The following HIVEP1 variants were observed in gnomAD, a reference collection of about 807,000 sequenced individuals.
HIVEP1 encodes the protein HIVEP zinc finger 1.
Under a neutral mutation model 180.0 loss-of-function variants are expected in HIVEP1, and 36 were observed. That is an observed-to-expected ratio of 0.20 (90% CI 0.15 to 0.26). HIVEP1 has a LOEUF of 0.26. Ranked by LOEUF, HIVEP1 falls within the 10% of genes least tolerant of loss-of-function variation. HIVEP1 has a pLI of 1.00. For synonymous variants in HIVEP1, 1,239 were observed against 1,239.0 expected, an observed-to-expected ratio of 1.00 and a Z score of 0.00; for missense variants, 3,143 against 3,268.7, an observed-to-expected ratio of 0.96 and a Z score of 0.94.
chr6:12,078,719 C>CATATATATATAT (rs1554139647), intron 2 of HIVEP1, among the ~76,000 whole-genome samples: 8 of 146,358 alleles, frequency 5.5e-5, no homozygotes, highest in Non-Finnish European at 1.1e-4. Context: ...CACACACACA[C>CATATATATATAT]ATATATATAT....
intron 1 of HIVEP1, among the ~76,000 whole-genome samples, chr6:12,013,433 C>T (rs1197375332): frequency 6.6e-6 from 1 of 152,182 alleles, no homozygotes; most frequent in African/African-American, 2.4e-5. Context: ...TTTGGAAATA[C>T]CCACTTCCCC....
chr6:12,106,204 T>A (rs1774423891), intron 3 of HIVEP1, among the ~76,000 whole-genome samples: 3 of 152,056 alleles, frequency 2.0e-5, no homozygotes, highest in Non-Finnish European at 4.4e-5. Flanking sequence ...TTTACATAAT[T>A]TTCTTTCAGC....
intron 3 of HIVEP1, among the ~76,000 whole-genome samples, chr6:12,107,047 T>C (rs1774473635): frequency 6.6e-6 from 1 of 152,236 alleles, no homozygotes; most frequent in Non-Finnish European, 1.5e-5. Context: ...TATGTCCTCT[T>C]AACTTTTTTG....
the HIVEP1 span, among the ~76,000 whole-genome samples, chr6:12,197,159 G>C: frequency 6.6e-6 from 1 of 152,166 alleles, no homozygotes; most frequent in African/African-American, 2.4e-5. Context: ...GTCTGGCCTT[G>C]TCAATTAAAA....
chr6:12,130,723 G>T (rs771199484), intron 5 of HIVEP1, 44 bp from the exon 6 acceptor site: 3 of 1,087,828 alleles, frequency 2.8e-6, no homozygotes, highest in Non-Finnish European at 2.6e-6. Flanking sequence ...TTTCTCAGAG[G>T]CATAGTGTCC....
the HIVEP1 span, among the ~76,000 whole-genome samples, chr6:12,199,216 A>AACAGAATGGC: frequency 1.3e-5 from 2 of 152,204 alleles, no homozygotes; most frequent in African/African-American, 2.4e-5. Flanking sequence ...CATCTATTCC[A>AACAGAATGGC]ACAGAATGGC....
chr6:12,168,192 G>A (rs1308278379), downstream of HIVEP1, among the ~76,000 whole-genome samples: 1 of 17,408 alleles, frequency 5.7e-5, no homozygotes. Context: ...ATAGATATAC[G>A]TGTATATATA....
At chr6:12,206,371 G>A in the HIVEP1 span, among the ~76,000 whole-genome samples, 1 of 152,084 alleles carries the variant, frequency 6.6e-6, no homozygotes, top group Non-Finnish European at 1.5e-5. Flanking sequence ...CTGAACTCAG[G>A]CAATCCTCCC....
chr6:12,079,589 G>T (rs984273833), intron 2 of HIVEP1, among the ~76,000 whole-genome samples: 1 of 152,026 alleles, frequency 6.6e-6, no homozygotes, highest in Non-Finnish European at 1.5e-5. Flanking sequence ...TTAACTACTT[G>T]CATTTTATAC....
chr6:12,160,702 A>G (rs1057497052), intron 7 of HIVEP1, among the ~76,000 whole-genome samples: 2 of 152,242 alleles, frequency 1.3e-5, no homozygotes, highest in African/African-American at 2.4e-5. Context: ...TCTCATGGAT[A>G]TACAGAAGTA....
chr6:12,055,804 C>CA (rs1200138371), intron 2 of HIVEP1, among the ~76,000 whole-genome samples: 2 of 152,106 alleles, frequency 1.3e-5, no homozygotes, highest in Non-Finnish European at 2.9e-5. Context: ...GCAAGTTAAA[C>CA]AAAATCAGCA....
At chr6:12,204,588 A>G in the HIVEP1 span, among the ~76,000 whole-genome samples, 1 of 152,218 alleles carries the variant, frequency 6.6e-6, no homozygotes, top group South Asian at 2.1e-4. Flanking sequence ...TCCACACTAA[A>G]AAAATTTGCA....
At chr6:12,166,404 A>G (rs1373709805), downstream of HIVEP1, among the ~76,000 whole-genome samples, 2 of 152,176 alleles carry the variant, frequency 1.3e-5, no homozygotes, top group Non-Finnish European at 1.5e-5. Context: ...AAATTTTCAT[A>G]ATGCTGTAAT....
chr6:12,030,025 T>C (rs1272402034), intron 2 of HIVEP1, among the ~76,000 whole-genome samples: 3 of 152,220 alleles, frequency 2.0e-5, no homozygotes, highest in Non-Finnish European at 2.9e-5. Flanking sequence ...GGAATGTCTT[T>C]ATTTTTCCTT....
At chr6:12,105,997 TATATATACAC>T (rs541880187) in intron 3 of HIVEP1, among the ~76,000 whole-genome samples, 35 of 151,660 alleles carry the variant, frequency 2.3e-4, no homozygotes, top group African/African-American at 8.2e-4. Flanking sequence ...TATATACATA[TATATATACAC>T]ATATATACAT....
chr6:12,022,925 T>G (rs1768337817), intron 2 of HIVEP1, among the ~76,000 whole-genome samples: 1 of 152,252 alleles, frequency 6.6e-6, no homozygotes, highest in Non-Finnish European at 1.5e-5. Flanking sequence ...ATTTTTCCAC[T>G]TAAATTCATT....
the HIVEP1 span, among the ~76,000 whole-genome samples, chr6:12,197,848 G>T: frequency 3.3e-5 from 5 of 152,152 alleles, no homozygotes; most frequent in Non-Finnish European, 5.9e-5. Flanking sequence ...AGTGGTGAGG[G>T]TCTGAGCTGG....
chr6:12,130,720 G>A (rs760880782), intron 5 of HIVEP1, 47 bp from the exon 6 acceptor site: 1 of 1,051,954 alleles, frequency 9.5e-7, no homozygotes. Flanking sequence ...TATTTTCTCA[G>A]AGGCATAGTG....
At chr6:12,204,570 T>C in the HIVEP1 span, among the ~76,000 whole-genome samples, 1 of 152,206 alleles carries the variant, frequency 6.6e-6, no homozygotes, top group African/African-American at 2.4e-5. Flanking sequence ...TTTCAGTAAC[T>C]TCTGGTTTCC....
Sources: allele counts gnomAD v4.1 joint callset (sites outside exome capture counted in the v4.1 genomes callset), GRCh38; gene constraint gnomAD v4.1.1; transcripts MANE v1.5; gene names NCBI Gene and HGNC (gene_info 2026-07-23, HGNC 2026-07-21).